Variants in AOPEP observed in about 807,000 individuals in gnomAD.
AOPEP encodes the protein aminopeptidase O (putative).
In AOPEP, 77 loss-of-function variants were observed where a neutral mutation model predicts 98.1. The ratio of observed to expected loss-of-function variants is 0.78; its 90% confidence interval spans 0.65 to 0.95. The LOEUF is 0.95. Among genes scored for constraint, AOPEP ranks in the 40% least tolerant of loss-of-function variants. AOPEP has a pLI of 0.00. For missense variants in AOPEP, 1,024 were observed against 1,024.7 expected (o/e 1.00, Z 0.01); for synonymous variants, 346 against 365.3 (o/e 0.95, Z 0.60).
chr9:95,050,530 G>A (rs1440870994), intron 13 of AOPEP, among the ~76,000 whole-genome samples: 1 of 152,136 alleles, frequency 6.6e-6, no homozygotes, highest in African/African-American at 2.4e-5. Context: ...ACTTTGGATA[G>A]GAGATTGTAC....
intron 11 of AOPEP, among the ~76,000 whole-genome samples, chr9:94,993,028 A>G (rs1426485883): frequency 6.6e-6 from 1 of 152,216 alleles, no homozygotes; most frequent in East Asian, 1.9e-4. Context: ...GATGATTGAG[A>G]GAACTGAGTA....
chr9:94,842,013 G>A (rs1234217974), intron 5 of AOPEP, among the ~76,000 whole-genome samples: 3 of 152,032 alleles, frequency 2.0e-5, no homozygotes, highest in South Asian at 2.1e-4. Flanking sequence ...TGGTTGTGCC[G>A]CTGAACTCCA....
intron 13 of AOPEP, among the ~76,000 whole-genome samples, chr9:95,043,251 T>TATATATATATATATATATACAG (rs1554814056): frequency 6.8e-6 from 1 of 147,632 alleles, no homozygotes; most frequent in Non-Finnish European, 1.5e-5. Context: ...TATATACAGA[T>TATATATATATATATATATACAG]ATATATATAC....
intron 5 of AOPEP, among the ~76,000 whole-genome samples, chr9:94,842,120 G>T (rs535480663): frequency 5.3e-5 from 8 of 152,078 alleles, no homozygotes; most frequent in Non-Finnish European, 8.8e-5. Flanking sequence ...CCAGCACTTC[G>T]GGAGGCCTAG....
intron 9 of AOPEP, among the ~76,000 whole-genome samples, chr9:94,966,746 T>C (rs1257199077): frequency 6.6e-6 from 1 of 152,198 alleles, no homozygotes; most frequent in African/African-American, 2.4e-5. Flanking sequence ...TAATAGCGAA[T>C]AATTTTTTAA....
chr9:94,733,103 C>T (rs66495734), intron 1 of AOPEP, among the ~76,000 whole-genome samples: 6,947 of 142,408 alleles, frequency 0.049, 201 homozygotes, highest in Admixed American at 0.069. Flanking sequence ...CATTTTCTTT[C>T]TCTTTTTTTT....
At chr9:95,070,830 G>A (rs1302846874) in intron 14 of AOPEP, among the ~76,000 whole-genome samples, 3 of 152,248 alleles carry the variant, frequency 2.0e-5, no homozygotes, top group African/African-American at 4.8e-5. Flanking sequence ...ACTAGGAGAT[G>A]TGGACGCGTC....
At chr9:95,045,982 G>C (rs762439590) in intron 13 of AOPEP, among the ~76,000 whole-genome samples, 7 of 152,316 alleles carry the variant, frequency 4.6e-5, no homozygotes, top group Non-Finnish European at 1.0e-4. Context: ...AGGTGCTCAG[G>C]TGGCACGAGC....
intron 1 of AOPEP, among the ~76,000 whole-genome samples, chr9:94,730,283 C>CAA (rs58829632): frequency 1.5e-4 from 9 of 60,346 alleles, no homozygotes; most frequent in South Asian, 5.2e-4. Flanking sequence ...GACTCCATCT[C>CAA]AAAAAAAAAA....
At chr9:94,890,916 TCTA>T (rs1302792043) in intron 5 of AOPEP, among the ~76,000 whole-genome samples, 10 of 152,338 alleles carry the variant, frequency 6.6e-5, no homozygotes, top group African/African-American at 2.4e-4. Flanking sequence ...GAATATGTAT[TCTA>T]CTGTTGTTGG....
At chr9:94,808,915 C>T (rs1849855239) in intron 5 of AOPEP, among the ~76,000 whole-genome samples, 1 of 152,220 alleles carries the variant, frequency 6.6e-6, no homozygotes, top group Admixed American at 6.5e-5. Flanking sequence ...TCTTGAGGAC[C>T]TAAGGATGGT....
At chr9:95,016,116 T>C (rs958471253) in intron 13 of AOPEP, among the ~76,000 whole-genome samples, 1 of 151,744 alleles carries the variant, frequency 6.6e-6, no homozygotes, top group African/African-American at 2.4e-5. Context: ...TTTTTCCTTT[T>C]ACTTGCATTA....
intron 5 of AOPEP, among the ~76,000 whole-genome samples, chr9:94,894,537 A>C (rs2049251395): frequency 6.6e-6 from 1 of 152,202 alleles, no homozygotes; most frequent in South Asian, 2.1e-4. Context: ...AACCTAAGTA[A>C]ACAATACCCA....
At chr9:95,004,323 T>C (rs1015033023) in intron 11 of AOPEP, 1 of 456,100 alleles carries the variant, frequency 2.2e-6, no homozygotes, top group Non-Finnish European at 4.4e-6. Flanking sequence ...TGAAAACAGA[T>C]TGACCCCTTC....
At chr9:94,981,732 T>G (rs772488745) in intron 11 of AOPEP, among the ~76,000 whole-genome samples, 2 of 152,154 alleles carry the variant, frequency 1.3e-5, no homozygotes, top group African/African-American at 4.8e-5. Context: ...ATAAAGTTAC[T>G]AGGATGCTTG....
chr9:95,105,851 TCA>T, the AOPEP span, among the ~76,000 whole-genome samples: 5 of 152,224 alleles, frequency 3.3e-5, no homozygotes, highest in Non-Finnish European at 5.9e-5. Flanking sequence ...TGGGTACAGA[TCA>T]CACGGTGCAT....
the AOPEP span, among the ~76,000 whole-genome samples, chr9:95,098,265 T>A: frequency 6.6e-6 from 1 of 152,184 alleles, no homozygotes; most frequent in African/African-American, 2.4e-5. Context: ...GGCTTCCCTG[T>A]CAAGACCCCA....
intron 5 of AOPEP, among the ~76,000 whole-genome samples, chr9:94,887,368 T>C (rs1388762374): frequency 6.6e-6 from 1 of 151,532 alleles, no homozygotes; most frequent in Non-Finnish European, 1.5e-5. Flanking sequence ...ATAATAATAA[T>C]AATAATAATT....
chr9:95,122,606 G>A, the AOPEP span, among the ~76,000 whole-genome samples: 1 of 152,160 alleles, frequency 6.6e-6, no homozygotes, highest in Non-Finnish European at 1.5e-5. Flanking sequence ...CGTATGCCTG[G>A]TCAGGGTACT....
Sources: allele counts gnomAD v4.1 joint callset (sites outside exome capture counted in the v4.1 genomes callset), GRCh38; gene constraint gnomAD v4.1.1; transcripts MANE v1.5; gene names NCBI Gene and HGNC (gene_info 2026-07-23, HGNC 2026-07-21).